PALM2AKAP2: variants seen among roughly 807,000 people sequenced by gnomAD.
PALM2AKAP2 encodes the protein PALM2-AKAP2 fusion protein.
In PALM2AKAP2, 37 loss-of-function variants were observed where a neutral mutation model predicts 71.5. That is an observed-to-expected ratio of 0.52 (90% CI 0.40 to 0.68). The LOEUF (loss-of-function observed/expected upper bound fraction) is 0.68, where lower values mean the gene tolerates loss of function less well. Among genes scored for constraint, PALM2AKAP2 ranks in the 30% least tolerant of loss-of-function variants. PALM2AKAP2 has a pLI of 0.00. For synonymous variants in PALM2AKAP2, 468 were observed against 478.8 expected, an observed-to-expected ratio of 0.98 and a Z score of 0.29; for missense variants, 1,224 against 1,191.8, an observed-to-expected ratio of 1.03 and a Z score of -0.40.
In PALM2AKAP2 at chr9:110,140,975, C is replaced by T. The variant is rs566361378; in HGVS notation, c.2569+2436C>T. 7.2e-5 allele frequency among the ~76,000 whole-genome samples: 11 copies of T among 152,250 alleles called. No homozygotes were observed. In the South Asian group the frequency reaches 1.5e-3, roughly 20 times the overall value. On this transcript the variant is annotated intron_variant, in intron 2 of 3. Coordinates refer to ENST00000374525, the Ensembl canonical transcript of PALM2AKAP2. ...TTTCAACAAATGAATAATGGGGGGG[C>T]GGGCACAAACATTCAGACCGTAGCA...
At chr9:109,897,805 A>G (rs954627066) in intron 3 of PALM2AKAP2, among the ~76,000 whole-genome samples, 3 of 152,188 alleles carry the variant, frequency 2.0e-5, no homozygotes, top group Non-Finnish European at 2.9e-5. Flanking sequence ...GTTTTGAGAC[A>G]GGGCAGGATT....
At chr9:109,995,046 C>G (rs1832548665) in intron 6 of PALM2AKAP2, among the ~76,000 whole-genome samples, 1 of 152,216 alleles carries the variant, frequency 6.6e-6, no homozygotes, top group South Asian at 2.1e-4. Flanking sequence ...CCTTCTGGAA[C>G]TTTCCAGATA....
At chr9:109,992,954 TAGAGAG>T (rs3063881) in intron 6 of PALM2AKAP2, among the ~76,000 whole-genome samples, 4 of 142,676 alleles carry the variant, frequency 2.8e-5, no homozygotes, top group South Asian at 2.3e-4. Context: ...TATATATATA[TAGAGAG>T]AGAGAGAGAG....
intron 6 of PALM2AKAP2, among the ~76,000 whole-genome samples, chr9:110,002,981 AC>A (rs1832708444): frequency 6.6e-6 from 1 of 151,818 alleles, no homozygotes; most frequent in Non-Finnish European, 1.5e-5. Flanking sequence ...TCAAAAAACC[AC>A]CTCCCGGATT....
At chr9:109,786,058 C>T (rs116526722) in intron 1 of PALM2AKAP2, among the ~76,000 whole-genome samples, 2,361 of 152,360 alleles carry the variant, frequency 0.015, 64 homozygotes, top group African/African-American at 0.054. Context: ...TGGGTATACG[C>T]TGTTGGCCTA....
chr9:110,168,884 CCAGGCTGGTG>C (rs1462675901), exon 4 of PALM2AKAP2: 2 of 186,312 alleles, frequency 1.1e-5, no homozygotes, highest in Non-Finnish European at 2.2e-5. Flanking sequence ...GCAGTAGGGC[CCAGGCTGGTG>C]CAGCCTACAT....
At chr9:110,151,199 A>T (rs1381061375) in intron 2 of PALM2AKAP2, among the ~76,000 whole-genome samples, 2 of 151,876 alleles carry the variant, frequency 1.3e-5, no homozygotes, top group African/African-American at 2.4e-5. Context: ...TTACTTTAAA[A>T]TTTTTTTCCC....
chr9:110,116,651 G>A (rs996795669), intron 1 of PALM2AKAP2, among the ~76,000 whole-genome samples: 26 of 152,200 alleles, frequency 1.7e-4, no homozygotes, highest in Non-Finnish European at 3.5e-4. Context: ...GATTCCCAAG[G>A]GGGAATCTGG....
At chr9:109,694,554 G>A (rs1313512128) in intron 1 of PALM2AKAP2, among the ~76,000 whole-genome samples, 2 of 152,062 alleles carry the variant, frequency 1.3e-5, no homozygotes, top group Admixed American at 6.6e-5. Flanking sequence ...ACACTATTAA[G>A]AGATAGAAAA....
chr9:110,023,305 CTTTTTTTTTTTT>C (rs149672913), intron 7 of PALM2AKAP2, among the ~76,000 whole-genome samples: 4 of 74,046 alleles, frequency 5.4e-5, no homozygotes, highest in South Asian at 5.5e-4. Context: ...ATTGTGGTTT[CTTTTTTTTTTTT>C]TTTTTTTTTT....
At chr9:110,052,500 A>G (rs1042415217) in intron 1 of PALM2AKAP2, among the ~76,000 whole-genome samples, 58 of 152,350 alleles carry the variant, frequency 3.8e-4, no homozygotes, top group African/African-American at 1.4e-3. Flanking sequence ...ATATTATAGG[A>G]AAGTTAAAAC....
At chr9:110,012,984 A>G (rs1324522814) in intron 6 of PALM2AKAP2, among the ~76,000 whole-genome samples, 7 of 152,268 alleles carry the variant, frequency 4.6e-5, no homozygotes, top group Admixed American at 3.9e-4. Flanking sequence ...GATTGTATCT[A>G]TTAGCTATTG....
chr9:109,728,770 C>G (rs1282282344), intron 1 of PALM2AKAP2, among the ~76,000 whole-genome samples: 2 of 152,104 alleles, frequency 1.3e-5, no homozygotes, highest in East Asian at 1.9e-4. Context: ...CACACCACCC[C>G]CATTGTGGCT....
intron 1 of PALM2AKAP2, among the ~76,000 whole-genome samples, chr9:109,753,451 C>T (rs1828913737): frequency 6.6e-6 from 1 of 152,160 alleles, no homozygotes; most frequent in Admixed American, 6.5e-5. Context: ...CATTGGAAAC[C>T]TGTCAAGCTG....
chr9:109,663,237 A>C (rs1827428404), intron 1 of PALM2AKAP2, among the ~76,000 whole-genome samples: 1 of 151,888 alleles, frequency 6.6e-6, no homozygotes, highest in Non-Finnish European at 1.5e-5. Flanking sequence ...CTAGCTTTTG[A>C]ATGTGTTTGC....
At chr9:109,939,581 A>G (rs1344424412) in intron 6 of PALM2AKAP2, among the ~76,000 whole-genome samples, 10 of 152,226 alleles carry the variant, frequency 6.6e-5, no homozygotes, top group Admixed American at 6.5e-4. Context: ...CCTTATTTAT[A>G]ACTGTGTCCC....
chr9:109,877,190 T>C (rs1829740153), intron 2 of PALM2AKAP2, among the ~76,000 whole-genome samples: 1 of 152,120 alleles, frequency 6.6e-6, no homozygotes, highest in Non-Finnish European at 1.5e-5. Context: ...GTTTTTACTA[T>C]CTGTGGTTTG....
intron 1 of PALM2AKAP2, among the ~76,000 whole-genome samples, chr9:109,703,226 G>C (rs1360516452): frequency 6.6e-6 from 1 of 152,082 alleles, no homozygotes; most frequent in South Asian, 2.1e-4. Context: ...TGATATTCAG[G>C]TCAGTATTCC....
intron 6 of PALM2AKAP2, among the ~76,000 whole-genome samples, chr9:109,991,083 A>G (rs951067867): frequency 6.6e-6 from 1 of 152,060 alleles, no homozygotes; most frequent in Non-Finnish European, 1.5e-5. Context: ...CCAGGGTGAG[A>G]CTGGTGCAGA....
Sources: gnomAD v4.1 joint callset for allele counts (sites outside exome capture counted in the v4.1 genomes callset) on GRCh38, gnomAD v4.1.1 for gene constraint, MANE v1.5 for transcripts, NCBI Gene and HGNC (gene_info 2026-07-23, HGNC 2026-07-21) for gene names.